ZPBP: variants seen among roughly 807,000 people sequenced by gnomAD.
ZPBP encodes the protein zona pellucida-binding protein 1.
In ZPBP, 26 loss-of-function variants were observed where a neutral mutation model predicts 44.8. The observed-to-expected ratio is 0.58, with a 90% CI of 0.43 to 0.81. The LOEUF is 0.81. Ranked by LOEUF, ZPBP falls within the 30% of genes least tolerant of loss-of-function variation. ZPBP has a pLI of 0.00. For synonymous variants in ZPBP, 174 were observed against 153.2 expected (o/e 1.14, Z -1.00); for missense variants, 409 against 434.0 (o/e 0.94, Z 0.51).
chr7:50,055,936 C>A (rs551716602), intron 4 of ZPBP, among the ~76,000 whole-genome samples: 12 of 152,206 alleles, frequency 7.9e-5, no homozygotes, highest in Admixed American at 5.9e-4. Flanking sequence ...AAAAATGAAA[C>A]ATGACTGATT....
downstream of ZPBP, among the ~76,000 whole-genome samples, chr7:49,845,929 C>T (rs959948934): frequency 1.3e-5 from 2 of 152,208 alleles, no homozygotes; most frequent in Non-Finnish European, 2.9e-5. Context: ...AGAGTTTTCA[C>T]TAATGAGTCT....
chr7:49,981,465 A>C (rs1172252405), intron 7 of ZPBP, among the ~76,000 whole-genome samples: 5 of 71,250 alleles, frequency 7.0e-5, no homozygotes, highest in African/African-American at 2.9e-4. Context: ...ATAATAATAT[A>C]TATAATTATA....
chr7:49,857,788 C>G (rs763513359), intron 2 of ZPBP, among the ~76,000 whole-genome samples: 12 of 152,166 alleles, frequency 7.9e-5, no homozygotes, highest in Non-Finnish European at 1.8e-4. Flanking sequence ...TCTACAGTCT[C>G]ACTTCTGGGT....
At chr7:50,038,009 C>G (rs1008340620) in intron 4 of ZPBP, among the ~76,000 whole-genome samples, 1 of 152,118 alleles carries the variant, frequency 6.6e-6, no homozygotes, top group African/African-American at 2.4e-5. Context: ...GAGACAGAGG[C>G]TCTAAATCAG....
intron 6 of ZPBP, among the ~76,000 whole-genome samples, chr7:49,997,825 T>C (rs1427580495): frequency 1.3e-5 from 2 of 152,334 alleles, no homozygotes; most frequent in East Asian, 3.9e-4. Context: ...AGGGGCTCAA[T>C]ATTTTCAATT....
chr7:49,871,738 C>A (rs949249274), intron 2 of ZPBP, among the ~76,000 whole-genome samples: 1 of 151,466 alleles, frequency 6.6e-6, no homozygotes, highest in Non-Finnish European at 1.5e-5. Flanking sequence ...AAAATCAAAA[C>A]AAATAAATGG....
rs559133292 is a variant in ZPBP at position 50,062,606 on chromosome 7, A to G, written c.335-4465T>C. On this transcript the variant is annotated intron_variant, in intron 3 of 7. Coordinates refer to ENST00000046087, the MANE Select transcript of ZPBP (RefSeq NM_007009.3). ...TCCCTATTCAATAAACGGTTCTGGA[A>G]TAACTGCCTAGCCACGTGCACAAGA... is the stretch of plus-strand genomic sequence containing the variant. Among the ~76,000 whole-genome samples the G allele has an allele frequency of 3.3e-5, 5 of 152,310 alleles. No individual in the cohort carries two copies. In the South Asian group the frequency reaches 8.3e-4, roughly 25 times the overall value.
intron 7 of ZPBP, among the ~76,000 whole-genome samples, chr7:49,968,512 T>G (rs962400054): frequency 6.6e-6 from 1 of 151,980 alleles, no homozygotes; most frequent in African/African-American, 2.4e-5. Context: ...TATCAAGACA[T>G]ATGGAGCTGA....
chr7:49,991,747 G>A (rs1434103006), intron 6 of ZPBP, among the ~76,000 whole-genome samples: 1 of 152,026 alleles, frequency 6.6e-6, no homozygotes, highest in Non-Finnish European at 1.5e-5. Flanking sequence ...GAGACAGAGA[G>A]TGGGCAGGTA....
chr7:50,039,400 CA>C (rs1302654213), intron 4 of ZPBP, among the ~76,000 whole-genome samples: 1 of 151,952 alleles, frequency 6.6e-6, no homozygotes, highest in Non-Finnish European at 1.5e-5. Context: ...AATGTGATGC[CA>C]GCCAGTAATC....
intron 4 of ZPBP, chr7:50,056,069 T>G (rs920455408): frequency 6.6e-6 from 1 of 152,246 alleles, no homozygotes; most frequent in Non-Finnish European, 1.5e-5. Context: ...AAACCACTAA[T>G]AATTCTGCCA....
At chr7:49,931,825 T>C (rs989985598) in intron 1 of ZPBP, among the ~76,000 whole-genome samples, 3 of 151,892 alleles carry the variant, frequency 2.0e-5, no homozygotes, top group Non-Finnish European at 4.4e-5. Flanking sequence ...GAAAAAATGG[T>C]TTTGTGGGCA....
intron 5 of ZPBP, among the ~76,000 whole-genome samples, chr7:50,022,174 C>A (rs1480911170): frequency 1.3e-5 from 2 of 151,770 alleles, no homozygotes; most frequent in African/African-American, 4.8e-5. Flanking sequence ...CTTGTTACTA[C>A]AAACAAAAAA....
chr7:49,989,910 G>A (rs1583993319), intron 6 of ZPBP, among the ~76,000 whole-genome samples: 1 of 152,284 alleles, frequency 6.6e-6, no homozygotes, highest in East Asian at 1.9e-4. Context: ...CCCAATCTTA[G>A]CAAGCATAAC....
At chr7:50,084,598 C>CA (rs777501259) in intron 2 of ZPBP, among the ~76,000 whole-genome samples, 1 of 151,396 alleles carries the variant, frequency 6.6e-6, no homozygotes, top group East Asian at 1.9e-4. Context: ...ATGGTGGGCA[C>CA]AAAAAATCAT....
chr7:49,909,549 G>A (rs554998945), intron 1 of ZPBP, among the ~76,000 whole-genome samples: 4 of 152,124 alleles, frequency 2.6e-5, no homozygotes, highest in Non-Finnish European at 4.4e-5. Flanking sequence ...ACTGGGTGGG[G>A]AGGGGTCTTG....
intron 7 of ZPBP, among the ~76,000 whole-genome samples, chr7:49,953,512 T>C (rs1795441584): frequency 6.6e-6 from 1 of 152,110 alleles, no homozygotes; most frequent in Admixed American, 6.6e-5. Flanking sequence ...GGACTGAATA[T>C]TGAACAAGAA....
At chr7:49,943,887 G>GTT in intron 7 of ZPBP, 1 of 272,550 alleles carries the variant, frequency 3.7e-6, no homozygotes, top group South Asian at 4.2e-5. Flanking sequence ...AGTGTCTTCA[G>GTT]TTACTGACTC....
At chr7:50,084,747 G>T (rs913614688) in intron 2 of ZPBP, among the ~76,000 whole-genome samples, 70 of 151,854 alleles carry the variant, frequency 4.6e-4, no homozygotes, top group African/African-American at 1.6e-3. Flanking sequence ...GAAAATGAAA[G>T]GGAAATTAGT....
Sources: gnomAD v4.1 joint callset for allele counts (sites outside exome capture counted in the v4.1 genomes callset) on GRCh38, gnomAD v4.1.1 for gene constraint, MANE v1.5 for transcripts, NCBI Gene and HGNC (gene_info 2026-07-23, HGNC 2026-07-21) for gene names.